The following DGKH variants were observed in gnomAD, a reference collection of about 807,000 sequenced individuals.
DGKH encodes the protein diacylglycerol kinase eta.
In DGKH, 90 loss-of-function variants were observed where a neutral mutation model predicts 159.3. The observed-to-expected ratio is 0.57, with a 90% confidence interval of 0.48 to 0.67. The LOEUF (loss-of-function observed/expected upper bound fraction) is 0.67, where lower values mean the gene tolerates loss of function less well. DGKH is among the 30% of genes least tolerant of loss of function. The probability of loss-of-function intolerance (pLI) is 0.00; values close to 1 mark genes in which losing one functional copy is unlikely to be tolerated. For missense variants in DGKH, 1,181 were observed against 1,506.1 expected (o/e 0.78, Z 3.57); for synonymous variants, 536 against 553.8 (o/e 0.97, Z 0.45).
chr13:42,126,063 CT>C (rs1341520801), intron 1 of DGKH, among the ~76,000 whole-genome samples: 1 of 152,266 alleles, frequency 6.6e-6, no homozygotes, highest in African/African-American at 2.4e-5. Flanking sequence ...GTGACATGGC[CT>C]CTAAGGTAAT....
At chr13:42,105,011 G>A (rs1954720146) in intron 1 of DGKH, among the ~76,000 whole-genome samples, 1 of 109,582 alleles carries the variant, frequency 9.1e-6, no homozygotes, top group Non-Finnish European at 2.1e-5. Context: ...ATGTGTTTAT[G>A]TACATACATA....
chr13:42,043,113 A>G (rs1478343220), intron 1 of DGKH, among the ~76,000 whole-genome samples: 14 of 152,190 alleles, frequency 9.2e-5, no homozygotes, highest in Non-Finnish European at 2.1e-4. Context: ...TAAGAATCTG[A>G]TCAAAGCTAT....
At chr13:42,192,033 A>T (rs1001861279) in intron 16 of DGKH, among the ~76,000 whole-genome samples, 1 of 152,206 alleles carries the variant, frequency 6.6e-6, no homozygotes, top group Non-Finnish European at 1.5e-5. Context: ...AGTTACTATA[A>T]GTAAAGTGCC....
chr13:42,135,491 G>GAAA (rs757279736), intron 3 of DGKH, among the ~76,000 whole-genome samples: 1 of 69,092 alleles, frequency 1.4e-5, no homozygotes, highest in African/African-American at 6.4e-5. Flanking sequence ...CCCTGTCTCA[G>GAAA]AAAAAAAAAA....
chr13:42,051,530 A>G (rs772395433), intron 1 of DGKH, among the ~76,000 whole-genome samples: 1 of 151,842 alleles, frequency 6.6e-6, no homozygotes, highest in African/African-American at 2.4e-5. Flanking sequence ...TATGATTCAG[A>G]TGAGAATTAA....
intron 18 of DGKH, 95 bp downstream of exon 18, chr13:42,198,690 A>T: frequency 4.8e-5 from 51 of 1,051,904 alleles, no homozygotes; most frequent in Admixed American, 2.3e-5. Flanking sequence ...ATTACAATAA[A>T]TATGGTCCCA....
chr13:42,092,709 ATT>A (rs1171091477), intron 1 of DGKH, among the ~76,000 whole-genome samples: 3 of 152,170 alleles, frequency 2.0e-5, no homozygotes, highest in Non-Finnish European at 4.4e-5. Context: ...ATAGTTAATA[ATT>A]TATTGTTTAT....
intron 13 of DGKH, among the ~76,000 whole-genome samples, chr13:42,185,994 G>A (rs1367481757): frequency 9.1e-6 from 1 of 109,830 alleles, no homozygotes; most frequent in Non-Finnish European, 2.0e-5. Context: ...GTTGGGGGAG[G>A]AGTGGTGGTG....
At chr13:42,082,742 A>G (rs144260759) in intron 1 of DGKH, among the ~76,000 whole-genome samples, 1 of 152,336 alleles carries the variant, frequency 6.6e-6, no homozygotes, top group Non-Finnish European at 1.5e-5. Flanking sequence ...TTTCTTGTAG[A>G]AGGTTAGATG....
At chr13:42,185,995 AGTG>A (rs1159558879) in intron 13 of DGKH, among the ~76,000 whole-genome samples, 87 of 143,006 alleles carry the variant, frequency 6.1e-4, no homozygotes, top group East Asian at 1.5e-3. Context: ...TTGGGGGAGG[AGTG>A]GTGGTGGTGG....
chr13:42,070,646 G>T, intron 1 of DGKH: 1 of 1,611,642 alleles, frequency 6.2e-7, no homozygotes, highest in Non-Finnish European at 8.5e-7. Flanking sequence ...AGATCTCTGT[G>T]CAGTACATTT....
chr13:42,076,303 A>G (rs1395307900), intron 1 of DGKH, among the ~76,000 whole-genome samples: 3 of 152,242 alleles, frequency 2.0e-5, no homozygotes, highest in Non-Finnish European at 4.4e-5. Context: ...AAAGAATAAA[A>G]GAATTATTAC....
intron 29 of DGKH, among the ~76,000 whole-genome samples, chr13:42,227,599 C>A (rs148904184): frequency 6.6e-6 from 1 of 152,278 alleles, no homozygotes. Flanking sequence ...AAGCTTGATA[C>A]TTTTGCACGT....
chr13:42,056,745 A>G (rs375527907), intron 1 of DGKH, among the ~76,000 whole-genome samples: 2 of 152,164 alleles, frequency 1.3e-5, no homozygotes, highest in South Asian at 2.1e-4. Context: ...TTTAATCTAC[A>G]GCATGCAATC....
intron 30 of DGKH, chr13:42,256,181 G>GT (rs1958656067): frequency 8.2e-7 from 1 of 1,223,110 alleles, no homozygotes; most frequent in Non-Finnish European, 1.2e-6. Context: ...TCATGTTGCT[G>GT]TAACAGTTGG....
chr13:42,207,058 C>CTTCT (rs1193015241), intron 21 of DGKH, among the ~76,000 whole-genome samples: 1,138 of 27,414 alleles, frequency 0.042, 134 homozygotes, highest in East Asian at 0.084. Flanking sequence ...TCCTTCTTTC[C>CTTCT]TTCCTTCTTT....
chr13:42,069,145 T>G, intron 1 of DGKH: 2 of 1,398,392 alleles, frequency 1.4e-6, no homozygotes, highest in Non-Finnish European at 2.0e-6. Flanking sequence ...CTCCCCAAGC[T>G]TCCCATCCTC....
Position 42,206,033 on chromosome 13 carries a change from T to C in DGKH, c.2494-6T>C. The C allele has an allele frequency of 7.6e-7, 1 of 1,320,792 alleles. No individual in the cohort carries two copies. Among genetic ancestry groups the C allele is most frequent in the South Asian group, 2.5e-5 (1 of 40,602 alleles). The allele number at this position is 1,320,792 out of a possible 1,614,324, so 81.8% of individuals were successfully genotyped here. On this transcript the variant is annotated splice_region_variant and splice_polypyrimidine_tract_variant and intron_variant, in intron 20 of 29. Coordinates refer to ENST00000337343, the MANE Select transcript of DGKH (RefSeq NM_178009.5). ...TCTACTTTTTTTTTTTTTTTTTACC[T>C]TACAGTGTGATGGGCAGTATATTCC... is the stretch of plus-strand genomic sequence containing the variant.
intron 23 of DGKH, 148 bp from the exon 24 acceptor site, chr13:42,210,454 T>C (rs1206734270): frequency 1.2e-5 from 9 of 731,038 alleles, no homozygotes; most frequent in South Asian, 5.8e-5. Flanking sequence ...TTGCAGTACA[T>C]TGGAAAACTT....
Sources: gnomAD v4.1 joint callset for allele counts (sites outside exome capture counted in the v4.1 genomes callset) on GRCh38, gnomAD v4.1.1 for gene constraint, MANE v1.5 for transcripts, NCBI Gene and HGNC (gene_info 2026-07-23, HGNC 2026-07-21) for gene names.